The following KAZN variants were observed in gnomAD, a reference collection of about 807,000 sequenced individuals.
KAZN encodes kazrin.
KAZN carries 40 observed loss-of-function variants against 87.4 expected under a neutral mutation model. The ratio of observed to expected loss-of-function variants is 0.46; its 90% CI spans 0.36 to 0.60. The LOEUF (loss-of-function observed/expected upper bound fraction) is 0.60, where lower values mean the gene tolerates loss of function less well. KAZN is among the 20% of genes least tolerant of loss of function. KAZN has a pLI of 0.00. For missense variants in KAZN, 898 were observed against 1,073.9 expected (o/e 0.84, Z 2.29); for synonymous variants, 466 against 458.3 (o/e 1.02, Z -0.22).
chr1:15,103,510 C>G lies in KAZN; in HGVS notation c.1881+50C>G, dbSNP rs545092845. The stretch of plus-strand genomic sequence containing the variant: ...GTGACTCTCGGGCATACACAAACCC[C>G]ATGCAAATCTATATGCAAATCAATA... On this transcript the variant is annotated intron_variant, in intron 12 of 14. Coordinates refer to ENST00000376030, the MANE Select transcript of KAZN (RefSeq NM_201628.3). The G allele has an allele frequency of 6.0e-5, 72 of 1,196,834 alleles. No homozygotes were observed. In the South Asian group the frequency reaches 8.8e-4, roughly 15 times the overall value. 74.1% of individuals were successfully genotyped at this position (1,196,834 alleles called of 1,614,324 possible).
At chr1:14,427,602 CTGTG>C (rs200162718) in intron 2 of KAZN, among the ~76,000 whole-genome samples, 1 of 113,360 alleles carries the variant, frequency 8.8e-6, no homozygotes, top group African/African-American at 3.2e-5. Context: ...TACATGTATA[CTGTG>C]TGTGTGTATA....
chr1:14,284,318 G>T (rs540967923), intron 2 of KAZN, among the ~76,000 whole-genome samples: 65 of 152,242 alleles, frequency 4.3e-4, no homozygotes, highest in African/African-American at 1.5e-3. Context: ...AGAGGAAAAC[G>T]AAATGGAAGT....
intron 1 of KAZN, among the ~76,000 whole-genome samples, chr1:14,956,603 T>G (rs1308865035): frequency 7.0e-6 from 1 of 142,110 alleles, no homozygotes; most frequent in African/African-American, 2.6e-5. Flanking sequence ...TGAAACTCTA[T>G]CTCAAAAAAA....
rs114566622 is a variant in KAZN, at chr1:14,551,435, C to T, written c.250-47548C>T. Among the ~76,000 whole-genome samples, 78 of 152,258 alleles carry T rather than the reference C, an allele frequency of 5.1e-4. No individual in the cohort carries two copies. The East Asian group carries it at 6.4e-3, about 12-fold the overall frequency. ...ACATCTCTATTTACGCAGCTAGGCT[C>T]GGGACAAATCTAATATTCTGTAAAG... On this transcript the variant is annotated intron_variant, in intron 2 of 16. Transcript: ENST00000636203.
chr1:14,397,508 G>A (rs1410719727), intron 2 of KAZN, among the ~76,000 whole-genome samples: 2 of 152,058 alleles, frequency 1.3e-5, no homozygotes, highest in South Asian at 2.1e-4. Context: ...CAACATGTAC[G>A]TTTTAAGTGA....
At chr1:14,358,302 TTC>T (rs1659210001) in intron 2 of KAZN, among the ~76,000 whole-genome samples, 2 of 151,436 alleles carry the variant, frequency 1.3e-5, no homozygotes, top group South Asian at 4.2e-4. Context: ...TATTTGATTC[TTC>T]TCTCTTTTCT....
At chr1:14,479,497 C>G (rs11584308) in intron 2 of KAZN, among the ~76,000 whole-genome samples, 22,850 of 152,186 alleles carry the variant, frequency 0.15, 2,207 homozygotes, top group East Asian at 0.27. Flanking sequence ...GTGGTTTGCT[C>G]TCTGCATCAT....
intron 2 of KAZN, among the ~76,000 whole-genome samples, chr1:14,540,015 A>C (rs1192547169): frequency 6.6e-6 from 1 of 152,160 alleles, no homozygotes; most frequent in Non-Finnish European, 1.5e-5. Context: ...TTCTAAGTAG[A>C]ATTCTCTGTA....
At chr1:14,307,885 A>G (rs186174203) in intron 2 of KAZN, among the ~76,000 whole-genome samples, 7 of 152,326 alleles carry the variant, frequency 4.6e-5, no homozygotes, top group African/African-American at 1.4e-4. Flanking sequence ...GCCAAATACA[A>G]TCTTGACCAA....
chr1:14,270,602 G>A (rs2100681092), intron 2 of KAZN, among the ~76,000 whole-genome samples: 1 of 152,220 alleles, frequency 6.6e-6, no homozygotes, highest in South Asian at 2.1e-4. Flanking sequence ...TTACTGAGGA[G>A]GTCTATCCTA....
intron 2 of KAZN, among the ~76,000 whole-genome samples, chr1:14,551,173 A>G (rs947759454): frequency 6.6e-6 from 1 of 152,168 alleles, no homozygotes; most frequent in Non-Finnish European, 1.5e-5. Context: ...AGTCAACTTC[A>G]GACACACTGC....
intron 2 of KAZN, among the ~76,000 whole-genome samples, chr1:15,027,196 C>T (rs1482484428): frequency 6.6e-6 from 1 of 150,992 alleles, no homozygotes; most frequent in Non-Finnish European, 1.5e-5. Context: ...ATTCTCCTGC[C>T]TCAGCCTCCC....
chr1:14,211,790 A>G (rs1646858235), intron 2 of KAZN, among the ~76,000 whole-genome samples: 3 of 152,144 alleles, frequency 2.0e-5, no homozygotes, highest in Non-Finnish European at 4.4e-5. Context: ...CAAATTTATC[A>G]GCTTACCACT....
At chr1:14,436,357 CTGG>C (rs59954862) in intron 2 of KAZN, among the ~76,000 whole-genome samples, 14,895 of 151,802 alleles carry the variant, frequency 0.098, 1,122 homozygotes, top group African/African-American at 0.19. Context: ...CATGGCAGTG[CTGG>C]TGGTGGTGGT....
intron 1 of KAZN, among the ~76,000 whole-genome samples, chr1:14,872,861 T>G (rs1285481291): frequency 6.6e-6 from 1 of 151,596 alleles, no homozygotes; most frequent in East Asian, 1.9e-4. Context: ...GATACATAGA[T>G]GAATAGATGG....
At chr1:14,472,313 C>T (rs1176670720) in intron 2 of KAZN, among the ~76,000 whole-genome samples, 2 of 152,236 alleles carry the variant, frequency 1.3e-5, no homozygotes, top group Non-Finnish European at 2.9e-5. Flanking sequence ...AACCCCAAAA[C>T]TCAGTGCTTC....
At chr1:14,144,503 G>A (rs545622085) in intron 1 of KAZN, among the ~76,000 whole-genome samples, 1 of 151,992 alleles carries the variant, frequency 6.6e-6, no homozygotes, top group East Asian at 1.9e-4. Context: ...TGCCCAGGCT[G>A]GTCTTGAACT....
chr1:14,023,242 A>C (rs1362101016), intron 1 of KAZN, among the ~76,000 whole-genome samples: 1 of 152,180 alleles, frequency 6.6e-6, no homozygotes, highest in Non-Finnish European at 1.5e-5. Flanking sequence ...GGACTGATAG[A>C]GCTTGGGAGG....
At chr1:13,976,908 T>C (rs1404791541) in intron 1 of KAZN, among the ~76,000 whole-genome samples, 3 of 152,298 alleles carry the variant, frequency 2.0e-5, no homozygotes, top group East Asian at 1.9e-4. Context: ...TATGTTTAAA[T>C]AGCATCTTAC....
Sources: gnomAD v4.1 joint callset for allele counts (sites outside exome capture counted in the v4.1 genomes callset) on GRCh38, gnomAD v4.1.1 for gene constraint, MANE v1.5 for transcripts, NCBI Gene and HGNC (gene_info 2026-07-23, HGNC 2026-07-21) for gene names.